Variants in RYR3 observed in about 807,000 individuals in gnomAD.
RYR3 encodes brain ryanodine receptor-calcium release channel.
In RYR3, 207 loss-of-function variants were observed where a neutral mutation model predicts 584.3. The ratio of observed to expected loss-of-function variants is 0.35; its 90% CI spans 0.32 to 0.40. RYR3 has a LOEUF of 0.40. RYR3 is among the 10% of genes least tolerant of loss of function. RYR3 has a pLI of 1.00. For missense variants in RYR3, 5,616 were observed against 6,089.2 expected, an observed-to-expected ratio of 0.92 and a Z score of 2.59; for synonymous variants, 2,416 against 2,248.5, an observed-to-expected ratio of 1.07 and a Z score of -2.11.
intron 1 of RYR3, among the ~76,000 whole-genome samples, chr15:33,333,703 G>T (rs897586370): frequency 2.6e-5 from 4 of 152,138 alleles, no homozygotes; most frequent in Non-Finnish European, 4.4e-5. Flanking sequence ...GGACAATCAG[G>T]CAAGAGAAAG....
Position 33,789,884 on chromosome 15 carries a change from C to T in RYR3, c.9830+1426C>T, listed in dbSNP as rs189131405. ...AGAGATGGGGTTTTACCATGTTGCCCAGGGTGGTTTCAAAGTCCTGAGCTC... is the reference window on the plus strand; with the variant it reads ...AGAGATGGGGTTTTACCATGTTGCCTAGGGTGGTTTCAAAGTCCTGAGCTC... On this transcript the variant is annotated intron_variant, in intron 67 of 103. Coordinates refer to ENST00000634891, the MANE Select transcript of RYR3 (RefSeq NM_001036.6). 3.0e-3 allele frequency among the ~76,000 whole-genome samples: 438 copies of T among 146,174 alleles called. 3 individuals carry two copies. In the Middle Eastern group the frequency reaches 0.035, roughly 12 times the overall value.
intron 1 of RYR3, among the ~76,000 whole-genome samples, chr15:33,436,321 A>C (rs1334073041): frequency 6.6e-6 from 1 of 151,748 alleles, no homozygotes; most frequent in African/African-American, 2.4e-5. Context: ...TATTTATTAG[A>C]TATTGGTGTT....
intron 86 of RYR3, 102 bp downstream of exon 86, chr15:33,831,193 C>A: frequency 9.1e-7 from 1 of 1,096,736 alleles, no homozygotes; most frequent in Non-Finnish European, 1.3e-6. Flanking sequence ...AGTGCACTAT[C>A]CATCCAGCCC....
intron 2 of RYR3, among the ~76,000 whole-genome samples, chr15:33,498,851 G>C (rs148232095): frequency 6.6e-6 from 1 of 151,940 alleles, no homozygotes; most frequent in Admixed American, 6.6e-5. Context: ...GTTGATTTTT[G>C]TATATGGTGT....
chr15:33,863,289 C>A (rs989819914), intron 102 of RYR3, among the ~76,000 whole-genome samples: 12 of 152,170 alleles, frequency 7.9e-5, no homozygotes, highest in African/African-American at 2.9e-4. Flanking sequence ...AAGAGATTAA[C>A]CCTACTGTCT....
intron 2 of RYR3, among the ~76,000 whole-genome samples, chr15:33,479,716 A>G (rs1039423730): frequency 2.0e-5 from 3 of 152,188 alleles, no homozygotes; most frequent in Middle Eastern, 3.2e-3. Context: ...AATAAAGAGT[A>G]TCGTGGATCC....
rs145577537 is a variant in RYR3 at position 33,467,485 on chromosome 15, C to T, written c.52-5934C>T. On this transcript the variant is annotated intron_variant, in intron 1 of 103. Coordinates refer to ENST00000634891, the MANE Select transcript of RYR3 (RefSeq NM_001036.6). ...TTGTTCTGGCCCTCAGGCTGCGAGC[C>T]AAGGTATAAGAAAGAAAGCTGTAAG... 2.2e-3 allele frequency: 2,200 copies of T among 984,900 alleles called. 19 individuals carry two copies. Among genetic ancestry groups the T allele is most frequent in the African/African-American group, 0.02 (1,154 of 57,338 alleles). The allele number at this position is 984,900 out of a possible 1,614,324, so 61.0% of individuals were successfully genotyped here. A position where few individuals can be genotyped will look rare whatever the true frequency, so the allele number is the denominator to read the frequency against.
chr15:33,437,133 T>A (rs1334183531), intron 1 of RYR3, among the ~76,000 whole-genome samples: 1 of 111,494 alleles, frequency 9.0e-6, no homozygotes, highest in African/African-American at 2.9e-5. Flanking sequence ...TGTGTGTGTG[T>A]GTGTGTGTGT....
intron 12 of RYR3, among the ~76,000 whole-genome samples, chr15:33,572,566 G>T (rs958834977): frequency 1.1e-4 from 17 of 151,382 alleles, no homozygotes; most frequent in African/African-American, 4.1e-4. Context: ...AGGCGGTGGG[G>T]GGAGGGAGAT....
intron 11 of RYR3, among the ~76,000 whole-genome samples, chr15:33,565,863 T>C (rs146488443): frequency 1.6e-4 from 25 of 152,348 alleles, no homozygotes; most frequent in African/African-American, 6.0e-4. Context: ...TAGTGACAAG[T>C]AGATACTCTT....
At chr15:33,452,496 AGAC>A (rs1352726463) in intron 1 of RYR3, among the ~76,000 whole-genome samples, 1 of 152,202 alleles carries the variant, frequency 6.6e-6, no homozygotes, top group Non-Finnish European at 1.5e-5. Context: ...TATTATAAGA[AGAC>A]ATAGGCCATT....
intron 3 of RYR3, among the ~76,000 whole-genome samples, chr15:33,507,650 C>G (rs2052595288): frequency 6.6e-6 from 1 of 152,172 alleles, no homozygotes; most frequent in Non-Finnish European, 1.5e-5. Context: ...TCCCTCTAAG[C>G]CCTCAATCCC....
chr15:33,312,938 G>T (rs1020440732), intron 1 of RYR3, among the ~76,000 whole-genome samples: 1 of 152,146 alleles, frequency 6.6e-6, no homozygotes, highest in Non-Finnish European at 1.5e-5. Context: ...TGTGTCCTGG[G>T]CTTCCTGCCC....
At chr15:33,588,153 CA>C (rs1227859885) in intron 16 of RYR3, among the ~76,000 whole-genome samples, 1 of 152,192 alleles carries the variant, frequency 6.6e-6, no homozygotes, top group Non-Finnish European at 1.5e-5. Context: ...GTATCTTATT[CA>C]GTTCTCATTA....
intron 2 of RYR3, among the ~76,000 whole-genome samples, chr15:33,495,758 C>T (rs1467294550): frequency 1.3e-5 from 2 of 152,160 alleles, no homozygotes; most frequent in African/African-American, 4.8e-5. Context: ...AAACTATCAA[C>T]AACTTTCCAG....
chr15:33,583,315 A>T (rs988876843), intron 14 of RYR3, among the ~76,000 whole-genome samples: 1 of 152,238 alleles, frequency 6.6e-6, no homozygotes, highest in African/African-American at 2.4e-5. Context: ...CAACCTTTCC[A>T]GCTGTGTTCA....
chr15:33,650,624 G>A (rs758163275), intron 31 of RYR3, among the ~76,000 whole-genome samples: 118 of 152,292 alleles, frequency 7.7e-4, no homozygotes, highest in Middle Eastern at 3.4e-3. Context: ...TGGTATATGA[G>A]CTAGATTGGC....
chr15:33,725,802 A>AC (rs1429762680), intron 45 of RYR3, among the ~76,000 whole-genome samples: 1 of 149,946 alleles, frequency 6.7e-6, no homozygotes, highest in Non-Finnish European at 1.5e-5. Flanking sequence ...TACTAAAAAA[A>AC]AAAAAAAAAT....
At chr15:33,569,635 A>G (rs180953641) in intron 12 of RYR3, among the ~76,000 whole-genome samples, 1 of 152,278 alleles carries the variant, frequency 6.6e-6, no homozygotes, top group East Asian at 1.9e-4. Context: ...TGTTTATTCA[A>G]TTGGGTATGT....
Sources: gnomAD v4.1 joint callset for allele counts (sites outside exome capture counted in the v4.1 genomes callset) on GRCh38, gnomAD v4.1.1 for gene constraint, MANE v1.5 for transcripts, NCBI Gene and HGNC (gene_info 2026-07-23, HGNC 2026-07-21) for gene names.